RASGRP1: variants seen among roughly 807,000 people sequenced by gnomAD.
The protein encoded by RASGRP1 is RAS guanyl releasing protein 1.
RASGRP1 carries 37 observed loss-of-function variants against 95.1 expected under a neutral mutation model. The ratio of observed to expected loss-of-function variants is 0.39; its 90% confidence interval spans 0.30 to 0.51. The LOEUF (loss-of-function observed/expected upper bound fraction) is 0.51, where lower values mean the gene tolerates loss of function less well. Among genes scored for constraint, RASGRP1 ranks in the 20% least tolerant of loss-of-function variants. The pLI is 0.80. For missense variants in RASGRP1, 711 were observed against 965.4 expected (o/e 0.74, Z 3.49); for synonymous variants, 325 against 353.4 (o/e 0.92, Z 0.90).
At chr15:38,550,590 T>A (rs1045964555) in intron 2 of RASGRP1, among the ~76,000 whole-genome samples, 1 of 152,192 alleles carries the variant, frequency 6.6e-6, no homozygotes, top group Non-Finnish European at 1.5e-5. Context: ...GAATTATTTT[T>A]AAAAAATCAA....
chr15:38,503,237 C>T, intron 11 of RASGRP1, 35 bp downstream of exon 11: 1 of 1,519,738 alleles, frequency 6.6e-7, no homozygotes, highest in Non-Finnish European at 9.1e-7. Context: ...CCAGGCAATG[C>T]CTAGTTTTTG....
intron 2 of RASGRP1, among the ~76,000 whole-genome samples, chr15:38,527,361 A>G (rs554972755): frequency 4.9e-4 from 74 of 152,266 alleles, no homozygotes; most frequent in Non-Finnish European, 9.4e-4. Context: ...CCTGACAGTG[A>G]CTACATATCT....
intron 3 of RASGRP1, among the ~76,000 whole-genome samples, chr15:38,523,386 A>G (rs1361633157): frequency 6.6e-6 from 1 of 152,200 alleles, no homozygotes; most frequent in Admixed American, 6.5e-5. Context: ...AATAAACATT[A>G]AACATTTTTA....
At chr15:38,512,299 C>G (rs1390951918) in intron 7 of RASGRP1, among the ~76,000 whole-genome samples, 1 of 152,184 alleles carries the variant, frequency 6.6e-6, no homozygotes, top group Non-Finnish European at 1.5e-5. Flanking sequence ...GACAGAGAAG[C>G]TAGAATCTCT....
chr15:38,560,482 G>C (rs1027748227), intron 1 of RASGRP1, among the ~76,000 whole-genome samples: 1 of 152,182 alleles, frequency 6.6e-6, no homozygotes, highest in African/African-American at 2.4e-5. Context: ...GGGAGTTCGA[G>C]ATCATCTTTG....
chr15:38,502,435 G>GT lies in RASGRP1; in HGVS notation c.1429-15dup, dbSNP rs987909315. ...CTTGAAGACAGACTGTGAAAAAGGA[G>GT]TTTTTTTGGTGATTACTAAAGAGAA... On this transcript the variant is annotated splice_polypyrimidine_tract_variant and intron_variant, in intron 11 of 16. Coordinates refer to ENST00000310803, the MANE Select transcript of RASGRP1 (RefSeq NM_005739.4). 9.3e-6 allele frequency: 14 copies of GT among 1,511,652 alleles called. No individual in the cohort carries two copies. Among genetic ancestry groups the GT allele is most frequent in the African/African-American group, 2.8e-5 (2 of 72,604 alleles). 93.6% of individuals were successfully genotyped at this position (1,511,652 alleles called of 1,614,324 possible). A position where few individuals can be genotyped will look rare whatever the true frequency, so the allele number is the denominator to read the frequency against.
At chr15:38,529,158 C>A (rs997956800) in intron 2 of RASGRP1, among the ~76,000 whole-genome samples, 2 of 152,188 alleles carry the variant, frequency 1.3e-5, no homozygotes, top group African/African-American at 4.8e-5. Context: ...ACTTAATCGA[C>A]CTCCTTGCTT....
intron 5 of RASGRP1, 36 bp from the exon 6 acceptor site, chr15:38,516,386 A>G: frequency 1.3e-6 from 2 of 1,583,342 alleles, no homozygotes; most frequent in Non-Finnish European, 1.7e-6. Context: ...GAAGACAGGG[A>G]AAAGGAATAA....
intron 8 of RASGRP1, among the ~76,000 whole-genome samples, chr15:38,510,936 C>A (rs1566917157): frequency 6.6e-6 from 1 of 152,080 alleles, no homozygotes; most frequent in Non-Finnish European, 1.5e-5. Context: ...GTGCTCCAGC[C>A]TTGATGACAG....
At chr15:38,509,840 G>A (rs1452298371) in intron 8 of RASGRP1, among the ~76,000 whole-genome samples, 1 of 152,140 alleles carries the variant, frequency 6.6e-6, no homozygotes, top group African/African-American at 2.4e-5. Flanking sequence ...CCTCAGATAA[G>A]GGGGACTACT....
At chr15:38,534,774 TG>T (rs1310937103) in intron 2 of RASGRP1, 3 of 152,282 alleles carry the variant, frequency 2.0e-5, no homozygotes, top group African/African-American at 7.2e-5. Flanking sequence ...CCTCAACTCC[TG>T]TTGCAGAGAA....
chr15:38,518,240 T>C, intron 5 of RASGRP1, 52 bp downstream of exon 5: 2 of 1,573,152 alleles, frequency 1.3e-6, no homozygotes, highest in Non-Finnish European at 1.7e-6. Flanking sequence ...ACTGGGATTA[T>C]ATTACAGGAG....
At chr15:38,526,543 CCT>C (rs1314412932) in intron 2 of RASGRP1, 139 bp from the exon 3 acceptor site, 6 of 608,856 alleles carry the variant, frequency 9.9e-6, no homozygotes, top group African/African-American at 3.7e-5. Context: ...GCACAGCCCC[CCT>C]CTGTTTTTCT....
In RASGRP1 at chr15:38,498,956, A is replaced by G; in HGVS notation, c.1721-10T>C. On this transcript the variant is annotated splice_polypyrimidine_tract_variant and intron_variant, in intron 14 of 16. Transcript: ENST00000310803. ...CAGTTCATCCCGCAGTCTGTGGACAAGACATCCTGGGTCAAGAAGTCTTTC... is the reference window on the plus strand; with the variant it reads ...CAGTTCATCCCGCAGTCTGTGGACAGGACATCCTGGGTCAAGAAGTCTTTC... The G allele has an allele frequency of 6.2e-7, 1 of 1,614,010 alleles. No homozygotes were observed. The highest frequency in any genetic ancestry group is 8.5e-7 in the Non-Finnish European group (1 of 1,179,882).
rs534500218 is a variant in RASGRP1, at chr15:38,551,597, T to C, written c.220+8224A>G. The stretch of plus-strand genomic sequence containing the variant: ...TAATTAAATCTTTGGAATAGGGATT[T>C]TTTTAAGGTTTAGAATTTTAAAAAG... On this transcript the variant is annotated intron_variant, in intron 2 of 16. Transcript: ENST00000310803. Among the ~76,000 whole-genome samples the C allele has an allele frequency of 2.0e-5, 3 of 152,354 alleles. No homozygotes were observed. In the South Asian group the frequency reaches 6.2e-4, roughly 32 times the overall value.
chr15:38,526,414 T>C lies in RASGRP1; in HGVS notation c.221-10A>G. 6.2e-7 allele frequency: 1 copy of C among 1,610,000 alleles called. No homozygotes were observed. Among genetic ancestry groups the C allele is most frequent in the Non-Finnish European group, 8.5e-7 (1 of 1,176,730 alleles). Reference sequence around the variant, plus strand: ...AGGTTTCCATCTGCATCTGAAAATATAAAGAGCAGCACCTGAGTTAGGCCC... The same window carrying C: ...AGGTTTCCATCTGCATCTGAAAATACAAAGAGCAGCACCTGAGTTAGGCCC... On this transcript the variant is annotated splice_polypyrimidine_tract_variant and intron_variant, in intron 2 of 16. Coordinates refer to ENST00000310803, the MANE Select transcript of RASGRP1 (RefSeq NM_005739.4).
At chr15:38,522,695 G>A (rs1291074871) in intron 3 of RASGRP1, among the ~76,000 whole-genome samples, 2 of 152,158 alleles carry the variant, frequency 1.3e-5, no homozygotes, top group Non-Finnish European at 2.9e-5. Flanking sequence ...CAAGGCACAG[G>A]AATGATAAAA....
At chr15:38,493,495 T>C (rs1890677182) in intron 16 of RASGRP1, among the ~76,000 whole-genome samples, 1 of 152,142 alleles carries the variant, frequency 6.6e-6, no homozygotes, top group Non-Finnish European at 1.5e-5. Context: ...TTTAATGTCA[T>C]TATTCCCTTC....
At chr15:38,494,056 A>G (rs1890699094) in intron 16 of RASGRP1, among the ~76,000 whole-genome samples, 1 of 152,214 alleles carries the variant, frequency 6.6e-6, no homozygotes, top group Non-Finnish European at 1.5e-5. Context: ...CTGTGAGCCT[A>G]CTAAACAGGG....
Sources: allele counts gnomAD v4.1 joint callset (sites outside exome capture counted in the v4.1 genomes callset), GRCh38; gene constraint gnomAD v4.1.1; transcripts MANE v1.5; gene names NCBI Gene and HGNC (gene_info 2026-07-23, HGNC 2026-07-21).